CLEC12A: variants seen among roughly 807,000 people sequenced by gnomAD.
The protein encoded by CLEC12A is C-type lectin protein CLL-1.
In CLEC12A, 22 loss-of-function variants were observed where a neutral mutation model predicts 26.5. The ratio of observed to expected loss-of-function variants is 0.83; its 90% CI spans 0.59 to 1.19. The LOEUF (loss-of-function observed/expected upper bound fraction) is 1.19. Among genes scored for constraint, CLEC12A ranks in the 50% most tolerant of loss-of-function variants. The pLI is 0.00. For missense variants in CLEC12A, 353 were observed against 315.6 expected (o/e 1.12, Z -0.90); for synonymous variants, 119 against 101.9 (o/e 1.17, Z -1.01).
rs1409382684 is a variant in CLEC12A at position 9,995,398 on chromosome 12, C to A, written n.1385C>A. The A allele has an allele frequency of 7.0e-6, 5 of 718,658 alleles. No homozygotes were observed. The African/African-American group carries it at 8.7e-5, about 13-fold the overall frequency. The allele number at this position is 718,658 out of a possible 1,614,324, so 44.5% of individuals were successfully genotyped here. ...ATTACATTTGATGTTTGAAATTGTACCAATTTGACTTGTCTGAGAACTTAA... is the reference window on the plus strand; with the variant it reads ...ATTACATTTGATGTTTGAAATTGTAACAATTTGACTTGTCTGAGAACTTAA... On this transcript the variant is annotated non_coding_transcript_exon_variant, in exon 5 of 5. Transcript: ENST00000449959.
chr12:9,995,628 G>C (rs1865025562), exon 5 of CLEC12A: 1 of 282,468 alleles, frequency 3.5e-6, no homozygotes, highest in Non-Finnish European at 6.9e-6. Context: ...ATATTCCTTA[G>C]AGTTAAAGCC....
intron 1 of CLEC12A, chr12:9,951,602 C>T: frequency 2.0e-6 from 1 of 512,380 alleles, no homozygotes. Flanking sequence ...GAAGGAATCT[C>T]CATTTGCAGA....
the CLEC12A span, among the ~76,000 whole-genome samples, chr12:10,004,670 T>C: frequency 6.6e-6 from 1 of 152,114 alleles, no homozygotes; most frequent in African/African-American, 2.4e-5. Flanking sequence ...AGGCAACTTT[T>C]TGGGGCATGA....
chr12:9,951,788 G>C (rs1363460132), intron 1 of CLEC12A: 9 of 203,576 alleles, frequency 4.4e-5, no homozygotes, highest in Admixed American at 4.4e-4. Context: ...GTATTCTTCA[G>C]GGTTGGTCTG....
chr12:9,956,733 C>T (rs933291992), intron 1 of CLEC12A, among the ~76,000 whole-genome samples: 6 of 152,126 alleles, frequency 3.9e-5, no homozygotes, highest in Non-Finnish European at 2.9e-5. Flanking sequence ...TAAATTGGTC[C>T]TACTGTGATT....
upstream of CLEC12A, among the ~76,000 whole-genome samples, chr12:9,967,409 C>T (rs1046200379): frequency 6.6e-6 from 1 of 152,132 alleles, no homozygotes; most frequent in Non-Finnish European, 1.5e-5. Context: ...CTATGTGGAA[C>T]TACTGTCGAG....
At chr12:10,001,462 C>G in the CLEC12A span, among the ~76,000 whole-genome samples, 1 of 152,310 alleles carries the variant, frequency 6.6e-6, no homozygotes, top group Middle Eastern at 3.4e-3. Flanking sequence ...CAGCCACAGT[C>G]TGAGAGTCTT....
upstream of CLEC12A, among the ~76,000 whole-genome samples, chr12:9,968,445 G>T (rs1864019097): frequency 6.6e-6 from 1 of 152,236 alleles, no homozygotes; most frequent in Non-Finnish European, 1.5e-5. Flanking sequence ...AAGGGGGGTT[G>T]TTCTCTGGCG....
the CLEC12A span, among the ~76,000 whole-genome samples, chr12:10,005,897 A>C: frequency 6.6e-6 from 1 of 152,018 alleles, no homozygotes; most frequent in Non-Finnish European, 1.5e-5. Flanking sequence ...ATTAATTGTC[A>C]TTCTTGCCAT....
At chr12:9,954,205 TAAAAAAAAAAAAAAAA>T (rs35173002) in intron 1 of CLEC12A, among the ~76,000 whole-genome samples, 1 of 64,416 alleles carries the variant, frequency 1.6e-5, no homozygotes, top group Non-Finnish European at 3.0e-5. Flanking sequence ...GAATTATCAA[TAAAAAAAAAAAAAAAA>T]AAAAAAAAAA....
intron 4 of CLEC12A, among the ~76,000 whole-genome samples, chr12:9,981,398 T>G (rs1339479350): frequency 2.0e-5 from 3 of 152,154 alleles, no homozygotes; most frequent in Non-Finnish European, 4.4e-5. Flanking sequence ...TAAGCAAAAT[T>G]ACCTTTTCTA....
chr12:9,994,275 G>A (rs1864975078), intron 4 of CLEC12A, among the ~76,000 whole-genome samples: 1 of 152,088 alleles, frequency 6.6e-6, no homozygotes, highest in Non-Finnish European at 1.5e-5. Context: ...AGAACACTAA[G>A]TTGCCTGCAA....
At chr12:9,995,072 G>A in exon 5 of CLEC12A, 1 of 1,600,708 alleles carries the variant, frequency 6.2e-7, no homozygotes, top group Non-Finnish European at 8.5e-7. Context: ...CTTGGACTGA[G>A]AGAAGAGGGA....
chr12:9,979,814 G>A (rs1864480903), intron 3 of CLEC12A, among the ~76,000 whole-genome samples: 1 of 152,166 alleles, frequency 6.6e-6, no homozygotes, highest in South Asian at 2.1e-4. Context: ...ATTATTCTGG[G>A]CACTGAGGTT....
chr12:9,998,921 C>G (rs1015720243), downstream of CLEC12A: 22 of 630,250 alleles, frequency 3.5e-5, no homozygotes, highest in Admixed American at 3.8e-4. Flanking sequence ...AGAGCATTAA[C>G]ATCATTCAAG....
rs187511731 is a variant in CLEC12A, at chr12:9,957,360, C to T, written c.10+6004C>T. The stretch of plus-strand genomic sequence containing the variant: ...AAAATTAGCTGGGTGTGGTGGTGCA[C>T]GGCTGTAATCCCAGCTACTCAGGAG... On this transcript the variant is annotated intron_variant, in intron 1 of 6. Transcript: ENST00000355690. 3.7e-3 allele frequency among the ~76,000 whole-genome samples: 563 copies of T among 151,948 alleles called. 2 individuals are homozygous for T. The highest frequency in any genetic ancestry group is 6.1e-3 in the Non-Finnish European group (417 of 67,954).
upstream of CLEC12A, among the ~76,000 whole-genome samples, chr12:9,968,870 A>C (rs1278196203): frequency 6.6e-6 from 1 of 152,168 alleles, no homozygotes; most frequent in Non-Finnish European, 1.5e-5. Context: ...TAAACATGGG[A>C]GTGCAGGTAT....
chr12:9,980,849 G>A, intron 4 of CLEC12A, 116 bp downstream of exon 4: 1 of 1,053,896 alleles, frequency 9.5e-7, no homozygotes. Flanking sequence ...TGAAGTGACT[G>A]AAACTTTGTA....
chr12:9,979,080 G>T lies in CLEC12A; in HGVS notation c.190+16G>T. 1 of 1,592,390 alleles carries T rather than the reference G, an allele frequency of 6.3e-7. No homozygotes were observed. Among genetic ancestry groups the T allele is most frequent in the Non-Finnish European group, 8.6e-7 (1 of 1,160,778 alleles). On this transcript the variant is annotated intron_variant, in intron 2 of 5. Transcript: ENST00000304361. ...GCAAGCATGTGTATGTACTGCCCCT[G>T]TTTTTGTCAAGAGGAAGTATCTAGA...
Sources: gnomAD v4.1 joint callset for allele counts (sites outside exome capture counted in the v4.1 genomes callset) on GRCh38, gnomAD v4.1.1 for gene constraint, MANE v1.5 for transcripts, NCBI Gene and HGNC (gene_info 2026-07-23, HGNC 2026-07-21) for gene names.